LRMDA: variants seen among roughly 807,000 people sequenced by gnomAD.
LRMDA encodes the protein leucine-rich melanocyte differentiation-associated protein.
A neutral mutation model predicts 29.8 loss-of-function variants in LRMDA; 18 were observed. That is an observed-to-expected ratio of 0.60 (90% CI 0.42 to 0.90). The LOEUF (loss-of-function observed/expected upper bound fraction) is 0.90, where lower values mean the gene tolerates loss of function less well. Ranked by LOEUF, LRMDA falls within the 40% of genes least tolerant of loss-of-function variation. The probability of loss-of-function intolerance (pLI) is 0.00; values close to 1 mark genes in which losing one functional copy is unlikely to be tolerated. For synonymous variants in LRMDA, 125 were observed against 109.4 expected (o/e 1.14, Z -0.89); for missense variants, 273 against 273.9 (o/e 1.00, Z 0.02).
In LRMDA at chr10:75,758,101, G is replaced by A. The variant is rs117496281; in HGVS notation, c.132-277907G>A. ...AGGCATGAGCCACCACGCCCAGCCA[G>A]CAGGGAATTTTCTTATTGAGCCCTG... On this transcript the variant is annotated intron_variant, in intron 2 of 6. Transcript: ENST00000611255. Among the ~76,000 whole-genome samples the A allele has an allele frequency of 7.8e-4, 119 of 152,302 alleles. No individual in the cohort carries two copies. In the East Asian group the frequency reaches 0.023, roughly 29 times the overall value.
chr10:76,422,741 T>C (rs1239199288), intron 6 of LRMDA, among the ~76,000 whole-genome samples: 5 of 152,212 alleles, frequency 3.3e-5, no homozygotes, highest in Admixed American at 3.3e-4. Context: ...TTTGGAAGAA[T>C]AGAAGTGAAA....
intron 6 of LRMDA, among the ~76,000 whole-genome samples, chr10:76,428,622 T>G (rs1027256649): frequency 1.3e-5 from 2 of 152,130 alleles, no homozygotes; most frequent in African/African-American, 4.8e-5. Context: ...GCTCAGCATC[T>G]TGGCCTCTCC....
intron 2 of LRMDA, among the ~76,000 whole-genome samples, chr10:75,752,787 C>T (rs1402195829): frequency 2.0e-5 from 3 of 152,100 alleles, no homozygotes; most frequent in Admixed American, 1.3e-4. Context: ...AACCAATGAG[C>T]TTCTTCTCTT....
chr10:75,547,740 T>A (rs529177407), intron 2 of LRMDA, among the ~76,000 whole-genome samples: 34 of 152,232 alleles, frequency 2.2e-4, no homozygotes, highest in Admixed American at 6.5e-4. Context: ...GTAAAAAAAA[T>A]TATTTTGGCT....
chr10:75,741,888 C>T lies in LRMDA; in HGVS notation c.132-294120C>T, dbSNP rs1037927391. On this transcript the variant is annotated intron_variant, in intron 2 of 6. Coordinates refer to ENST00000611255, the MANE Select transcript of LRMDA (RefSeq NM_001305581.2). ...TGGGGCCTTTGGGGGGTGATTAGGTCATAAGGGTGGAGCTCTCATGAACGA... is the reference window on the plus strand; with the variant it reads ...TGGGGCCTTTGGGGGGTGATTAGGTTATAAGGGTGGAGCTCTCATGAACGA... Among the ~76,000 whole-genome samples, 3 of 152,158 alleles carry T rather than the reference C, an allele frequency of 2.0e-5. No homozygotes were observed. In the East Asian group the frequency reaches 5.8e-4, roughly 29 times the overall value.
chr10:76,002,810 G>A (rs749285789), intron 2 of LRMDA, among the ~76,000 whole-genome samples: 13 of 152,128 alleles, frequency 8.5e-5, no homozygotes, highest in Non-Finnish European at 1.3e-4. Flanking sequence ...GAAGTCTCAG[G>A]CTTTCAGGGA....
At chr10:75,896,354 G>T (rs1845581999) in intron 2 of LRMDA, among the ~76,000 whole-genome samples, 1 of 152,212 alleles carries the variant, frequency 6.6e-6, no homozygotes, top group Non-Finnish European at 1.5e-5. Context: ...TGATGATTAT[G>T]TAAATATGAA....
At chr10:76,050,574 A>G (rs1365779142) in intron 4 of LRMDA, among the ~76,000 whole-genome samples, 1 of 152,186 alleles carries the variant, frequency 6.6e-6, no homozygotes, top group Admixed American at 6.5e-5. Flanking sequence ...TGTACACACC[A>G]TGCTGCTATT....
At chr10:75,918,746 G>T (rs1267921312) in intron 2 of LRMDA, among the ~76,000 whole-genome samples, 2 of 152,230 alleles carry the variant, frequency 1.3e-5, no homozygotes, top group Admixed American at 6.5e-5. Context: ...GAGGGGCTTT[G>T]ACTTTGGAGC....
chr10:75,860,771 C>A (rs1844914620), intron 2 of LRMDA, among the ~76,000 whole-genome samples: 1 of 152,134 alleles, frequency 6.6e-6, no homozygotes, highest in African/African-American at 2.4e-5. Context: ...GATACAGGTT[C>A]TAATTTTAAT....
intron 2 of LRMDA, among the ~76,000 whole-genome samples, chr10:75,544,118 TG>T (rs1840050289): frequency 6.6e-6 from 1 of 152,170 alleles, no homozygotes; most frequent in Non-Finnish European, 1.5e-5. Context: ...TTTGTGTGTG[TG>T]TTTGTGTCCA....
chr10:76,216,419 C>A (rs1316328664), intron 5 of LRMDA, among the ~76,000 whole-genome samples: 1 of 152,054 alleles, frequency 6.6e-6, no homozygotes, highest in Admixed American at 6.6e-5. Context: ...TCATTATATG[C>A]AAATGATAAT....
rs1488763498 is a variant in LRMDA, at chr10:76,353,231, A to C, written c.601+28746A>C. Among the ~76,000 whole-genome samples, 3 of 152,046 alleles carry C rather than the reference A, an allele frequency of 2.0e-5. No individual in the cohort carries two copies. In the East Asian group the frequency reaches 5.8e-4, roughly 29 times the overall value. On this transcript the variant is annotated intron_variant, in intron 6 of 6. Coordinates refer to ENST00000611255, the MANE Select transcript of LRMDA (RefSeq NM_001305581.2). ...AAAGGCAGGACAAGAGGGAGCCATT[A>C]ATCTCATGGACATTACATTCCCTAA...
At chr10:76,245,914 T>C (rs1378687608) in intron 5 of LRMDA, among the ~76,000 whole-genome samples, 2 of 152,224 alleles carry the variant, frequency 1.3e-5, no homozygotes, top group African/African-American at 2.4e-5. Context: ...GGAATACCTA[T>C]GACAAGTTAA....
chr10:76,074,580 A>G (rs913080002), intron 5 of LRMDA, among the ~76,000 whole-genome samples: 2 of 152,146 alleles, frequency 1.3e-5, no homozygotes, highest in South Asian at 4.1e-4. Context: ...TATAGGGAGG[A>G]GGAACCAGAG....
At chr10:76,405,668 A>G (rs1841895179) in intron 6 of LRMDA, among the ~76,000 whole-genome samples, 1 of 152,188 alleles carries the variant, frequency 6.6e-6, no homozygotes, top group African/African-American at 2.4e-5. Context: ...TAAGAACTGG[A>G]CCTCTAAATA....
chr10:75,843,495 G>A (rs1317662648), intron 2 of LRMDA, among the ~76,000 whole-genome samples: 4 of 152,170 alleles, frequency 2.6e-5, no homozygotes, highest in Non-Finnish European at 2.9e-5. Context: ...TGGGAACTTA[G>A]ATGAGTTTCC....
At chr10:75,783,853 G>A (rs141767290) in intron 2 of LRMDA, among the ~76,000 whole-genome samples, 3 of 152,286 alleles carry the variant, frequency 2.0e-5, no homozygotes, top group African/African-American at 7.2e-5. Flanking sequence ...CAGCCAAGAT[G>A]TCAAGATTAA....
intron 2 of LRMDA, among the ~76,000 whole-genome samples, chr10:76,035,419 G>A (rs1848224417): frequency 6.6e-6 from 1 of 151,854 alleles, no homozygotes; most frequent in African/African-American, 2.4e-5. Context: ...CAAATTAAGT[G>A]ATTAGTAAAG....
Sources: allele counts gnomAD v4.1 joint callset (sites outside exome capture counted in the v4.1 genomes callset), GRCh38; gene constraint gnomAD v4.1.1; transcripts MANE v1.5; gene names NCBI Gene and HGNC (gene_info 2026-07-23, HGNC 2026-07-21).